Variants in FAM131B observed in about 807,000 individuals in gnomAD.
FAM131B encodes the protein protein FAM131B.
In FAM131B, 19 loss-of-function variants were observed where a neutral mutation model predicts 42.0. The ratio of observed to expected loss-of-function variants is 0.45; its 90% confidence interval spans 0.32 to 0.66. The LOEUF is 0.66. Among genes scored for constraint, FAM131B ranks in the 30% least tolerant of loss-of-function variants. The pLI, the probability that FAM131B is intolerant of heterozygous loss-of-function variation, is 0.05. For synonymous variants in FAM131B, 183 were observed against 177.6 expected, an observed-to-expected ratio of 1.03 and a Z score of -0.24; for missense variants, 370 against 468.4, an observed-to-expected ratio of 0.79 and a Z score of 1.94.
rs1803825799 is a variant in FAM131B, at chr7:143,359,127, C to T, written c.269-103G>A. On this transcript the variant is annotated intron_variant, in intron 4 of 6. Transcript: ENST00000443739. This position sits in a 1 kb window ranked among gnomAD's most constrained non-coding sequence, Gnocchi z 5.4. ...CCCAGCCCCATGAGGCTCCATCCCA[C>T]TGGGCCAGGCTCCCCTAAGGACTCC... 1.6e-6 allele frequency: 2 copies of T among 1,241,814 alleles called. No homozygotes were observed. Among genetic ancestry groups the T allele is most frequent in the South Asian group, 1.4e-5 (1 of 73,410 alleles). The allele number at this position is 1,241,814 out of a possible 1,614,324, so 76.9% of individuals were successfully genotyped here.
chr7:143,381,902 C>G, the FAM131B span: 1 of 999,448 alleles, frequency 1.0e-6, no homozygotes, highest in Middle Eastern at 3.3e-4. Flanking sequence ...CACCCTGTCC[C>G]GAGCAGATGT....
At position 143,358,879 on chromosome 7, in the gene FAM131B, C is replaced by G. The variant is rs751508007; in HGVS notation, c.414G>C (p.Thr138=). 10 of 1,614,122 alleles carry G rather than the reference C, an allele frequency of 6.2e-6. No homozygotes were observed. The highest frequency in any genetic ancestry group is 8.5e-6 in the Non-Finnish European group (10 of 1,180,022). Reference sequence around the variant, plus strand: ...CATCGCTGAGGTCGGAGTAGGCATCCGTATCCCTGCGCACGGACTCATGGC... The same window carrying G: ...CATCGCTGAGGTCGGAGTAGGCATCGGTATCCCTGCGCACGGACTCATGGC... ...QHSHESVRRD[T]DAYSDLSDGE... Residue 138 remains threonine, a synonymous_variant, in exon 5 of 7, where the codon ACG becomes ACC. Transcript: ENST00000443739. The surrounding 1 kb of genome is among the most constrained non-coding windows in gnomAD (Gnocchi z 4.7).
rs1336634388 is a variant in FAM131B at position 143,359,760 on chromosome 7, C to T, written c.146G>A (p.Arg49Gln). 6 of 1,569,498 alleles carry T rather than the reference C, an allele frequency of 3.8e-6. No homozygotes were observed. Among genetic ancestry groups the T allele is most frequent in the Admixed American group, 1.9e-5 (1 of 53,918 alleles). Residue 49 changes from arginine (R) to glutamine (Q), a missense_variant, in exon 3 of 7, where the codon CGA becomes CAA. Coordinates refer to ENST00000443739, the MANE Select transcript of FAM131B (RefSeq NM_001031690.3). This position sits in a 1 kb window ranked among gnomAD's most constrained non-coding sequence, Gnocchi z 5.4. Reference sequence around the variant, plus strand: ...GATGCCGTCCCAGGAGAAATCAGTTCGAGTTTGCTGTGAGGAGAGAGGAAA... The same window carrying T: ...GATGCCGTCCCAGGAGAAATCAGTTTGAGTTTGCTGTGAGGAGAGAGGAAA... ...SLHRPSTEQT[R>Q]TDFSWDGINL...
At chr7:143,380,511 T>TCCTC in the FAM131B span, 2 of 985,292 alleles carry the variant, frequency 2.0e-6, no homozygotes, top group Non-Finnish European at 2.4e-6. This position sits in a 1 kb window ranked among gnomAD's most constrained non-coding sequence, Gnocchi z 5.0. Flanking sequence ...TCCGCGTCCG[T>TCCTC]CCTCCCGGGT....
At position 143,359,999 on chromosome 7, in the gene FAM131B, G is replaced by A. The variant is rs1055894551; in HGVS notation, c.138+41C>T. 2.8e-6 allele frequency: 4 copies of A among 1,442,852 alleles called. No individual in the cohort carries two copies. Among genetic ancestry groups the A allele is most frequent in the Non-Finnish European group, 3.9e-6 (4 of 1,027,542 alleles). The allele number at this position is 1,442,852 out of a possible 1,614,324, so 89.4% of individuals were successfully genotyped here. A position where few individuals can be genotyped will look rare whatever the true frequency, so the allele number is the denominator to read the frequency against. On this transcript the variant is annotated intron_variant, in intron 2 of 6. Coordinates refer to ENST00000443739, the MANE Select transcript of FAM131B (RefSeq NM_001031690.3). The surrounding 1 kb of genome is among the most constrained non-coding windows in gnomAD (Gnocchi z 5.4). ...GTTGTTGCCTTGGAATTGAGGAAGT[G>A]CAGGCAGCCAGAGACTTGGGGTGGC... is the stretch of plus-strand genomic sequence containing the variant.
rs540042964 is a variant in FAM131B, at chr7:143,362,434, G to T, written c.28+142C>A. ...AAGGAGGGACAGAGGGACCGCGGGCGGACGGAAGGAAAGTGAAGGAGCTAG... is the reference window on the plus strand; with the variant it reads ...AAGGAGGGACAGAGGGACCGCGGGCTGACGGAAGGAAAGTGAAGGAGCTAG... On this transcript the variant is annotated intron_variant, in intron 1 of 6. Transcript: ENST00000443739. This position sits in a 1 kb window ranked among gnomAD's most constrained non-coding sequence, Gnocchi z 7.7. The T allele has an allele frequency of 2.3e-5, 8 of 354,364 alleles. No individual in the cohort carries two copies. In the South Asian group the frequency reaches 1.1e-3, roughly 51 times the overall value. The allele number at this position is 354,364 out of a possible 1,614,324, so 22.0% of individuals were successfully genotyped here.
the FAM131B span, among the ~76,000 whole-genome samples, chr7:143,379,237 T>G: frequency 6.6e-6 from 1 of 152,352 alleles, no homozygotes; most frequent in South Asian, 2.1e-4. Flanking sequence ...GGCCATATTT[T>G]GAAGGATTTG....
chr7:143,380,564 C>T, the FAM131B span: 2 of 985,528 alleles, frequency 2.0e-6, no homozygotes, highest in Non-Finnish European at 2.4e-6. This position sits in a 1 kb window ranked among gnomAD's most constrained non-coding sequence, Gnocchi z 5.0. Context: ...CGCCCTCCCA[C>T]CTCCATTCCC....
At position 143,360,109 on chromosome 7, in the gene FAM131B, A is replaced by G; in HGVS notation, c.69T>C (p.Asp23=). ...TGCTGTCCATGTTGATTTGATCGAC[A>G]TCCTTCAGGCCCTTCCAATCCACTG... ...VIAVDWKGLK[D]VDQINMDSTS... The change falls in exon 2 of 7, where the codon GAT becomes GAC. Residue 23 remains aspartate (D), a synonymous_variant. Transcript: ENST00000443739. The G allele has an allele frequency of 3.7e-6, 6 of 1,614,016 alleles. 1 individual carries two copies. The highest frequency in any genetic ancestry group is 2.2e-5 in the South Asian group (2 of 91,056).
upstream of FAM131B, chr7:143,362,918 G>C (rs1804072775): frequency 6.6e-6 from 1 of 151,234 alleles, no homozygotes; most frequent in African/African-American, 2.4e-5. This position sits in a 1 kb window ranked among gnomAD's most constrained non-coding sequence, Gnocchi z 7.7. Context: ...GGGGATCTGG[G>C]GCCGCCGTCG....
At chr7:143,382,237 T>C in the FAM131B span, 1 of 1,611,280 alleles carries the variant, frequency 6.2e-7, no homozygotes, top group Non-Finnish European at 8.5e-7. Context: ...TCTTTCTCCT[T>C]CCTACCCCAG....
chr7:143,381,528 G>A, the FAM131B span: 1 of 1,584,754 alleles, frequency 6.3e-7, no homozygotes, highest in East Asian at 2.3e-5. Context: ...GCCCGGCTCC[G>A]CGCTGCGTAA....
rs1197271835 is a variant in FAM131B, at chr7:143,359,893, T to G, written c.139-126A>C. On this transcript the variant is annotated intron_variant, in intron 2 of 6. Transcript: ENST00000443739. This position sits in a 1 kb window ranked among gnomAD's most constrained non-coding sequence, Gnocchi z 5.4. ...AGGGCTTTCCTGAGGTTGATGCCGC[T>G]AACTGGGTTCTCCATGTGGACTGCT... is the stretch of plus-strand genomic sequence containing the variant. 27 of 1,041,998 alleles carry G rather than the reference T, an allele frequency of 2.6e-5. No homozygotes were observed. The East Asian group carries it at 6.7e-4, about 26-fold the overall frequency. 64.5% of individuals were successfully genotyped at this position (1,041,998 alleles called of 1,614,324 possible). A position where few individuals can be genotyped will look rare whatever the true frequency, so the allele number is the denominator to read the frequency against.
intron 1 of FAM131B, chr7:143,361,075 G>A (rs1026416234): frequency 6.6e-6 from 1 of 152,132 alleles, no homozygotes. Flanking sequence ...ATACTCATGA[G>A]GTTTTACAAT....
At chr7:143,374,957 G>T in the FAM131B span, among the ~76,000 whole-genome samples, 1 of 152,048 alleles carries the variant, frequency 6.6e-6, no homozygotes, top group South Asian at 2.1e-4. Context: ...TTTTGCATTT[G>T]TCTGTCATTA....
At position 143,356,279 on chromosome 7, in the gene FAM131B, A is replaced by G; in HGVS notation, c.*271T>C. 1 of 476,552 alleles carries G rather than the reference A, an allele frequency of 2.1e-6. No individual in the cohort carries two copies. Among genetic ancestry groups the G allele is most frequent in the South Asian group, 3.2e-5 (1 of 31,458 alleles). 29.5% of individuals were successfully genotyped at this position (476,552 alleles called of 1,614,324 possible). On this transcript the variant is annotated 3_prime_UTR_variant, in exon 7 of 7. Coordinates refer to ENST00000443739, the MANE Select transcript of FAM131B (RefSeq NM_001031690.3). This position sits in a 1 kb window ranked among gnomAD's most constrained non-coding sequence, Gnocchi z 4.4. ...CTGGAGGCTTTGTCGGCACAGACCC[A>G]GAAGCCCACAGCCCAGGTCCTTCTC...
At position 143,356,550 on chromosome 7, in the gene FAM131B, C is replaced by A. The variant is rs746149756; in HGVS notation, c.1083G>T (p.Ter361TyrextTer29). 1 of 1,608,608 alleles carries A rather than the reference C, an allele frequency of 6.2e-7. No individual in the cohort carries two copies. The highest frequency in any genetic ancestry group is 1.1e-5 in the South Asian group (1 of 90,932). Residue 361 changes from the stop codon to tyrosine, a stop_lost, in exon 7 of 7, where the codon TAG becomes TAT. Coordinates refer to ENST00000443739, the MANE Select transcript of FAM131B (RefSeq NM_001031690.3). The surrounding 1 kb of genome is among the most constrained non-coding windows in gnomAD (Gnocchi z 4.4). ...GAAGGCAGGGCATTGGGGGAGGAAA[C>A]TAGTTGTTGGCCTCGCCTTCCTCCT... ...FDEEEGEANN[*>Y]
At chr7:143,367,593 T>C (rs1586547696), upstream of FAM131B, among the ~76,000 whole-genome samples, 1 of 152,122 alleles carries the variant, frequency 6.6e-6, no homozygotes, top group Non-Finnish European at 1.5e-5. Flanking sequence ...TAATCCCAGC[T>C]ACTCAGGAGG....
upstream of FAM131B, among the ~76,000 whole-genome samples, chr7:143,365,192 A>G (rs1232822139): frequency 6.6e-6 from 1 of 152,216 alleles, no homozygotes; most frequent in East Asian, 1.9e-4. Context: ...ACCTGGAGGG[A>G]TGGGAGCAGA....
Sources: gnomAD v4.1 joint callset for allele counts (sites outside exome capture counted in the v4.1 genomes callset) on GRCh38, gnomAD v4.1.1 for gene constraint, Gnocchi (gnomAD v3.1) non-coding constraint, MANE v1.5 for transcripts, NCBI Gene and HGNC (gene_info 2026-07-23, HGNC 2026-07-21) for gene names.